The following CCK variants were observed in gnomAD, a reference collection of about 807,000 sequenced individuals.
CCK encodes cholecystokinin triacontatriapeptide.
CCK carries 11 observed loss-of-function variants against 10.1 expected under a neutral mutation model. That is an observed-to-expected ratio of 1.09 (90% CI 0.69 to 1.81). The LOEUF (loss-of-function observed/expected upper bound fraction) is 1.81. Ranked by LOEUF, CCK falls within the 40% of genes most tolerant of loss-of-function variation. The probability of loss-of-function intolerance (pLI) is 0.00; values close to 1 mark genes in which losing one functional copy is unlikely to be tolerated. For synonymous variants in CCK, 83 were observed against 71.9 expected (o/e 1.15, Z -0.78); for missense variants, 137 against 159.9 (o/e 0.86, Z 0.77).
rs1711280179 is a variant in CCK, at chr3:42,265,847, C to T, written c.-546G>A. 6.6e-6 allele frequency: 1 copy of T among 152,212 alleles called. No homozygotes were observed. Among genetic ancestry groups the T allele is most frequent in the Non-Finnish European group, 1.5e-5 (1 of 68,060 alleles). The allele number at this position is 152,212 out of a possible 1,614,324, so 9.4% of individuals were successfully genotyped here. A position where few individuals can be genotyped will look rare whatever the true frequency, so the allele number is the denominator to read the frequency against. On this transcript the variant is annotated 5_prime_UTR_variant, in exon 1 of 5. Coordinates refer to ENST00000396169, the MANE Select transcript of CCK (RefSeq NM_000729.6). ...CCGACCTGGAGCCCCTCAGTGCGCT[C>T]TGGTCGTCTACACCCTGAAACCCTT...
intron 4 of CCK, among the ~76,000 whole-genome samples, chr3:42,262,358 T>C (rs1230521047): frequency 6.6e-6 from 1 of 151,786 alleles, no homozygotes; most frequent in East Asian, 1.9e-4. Context: ...GTAGCTGGGA[T>C]TACAAGCATG....
In CCK at chr3:42,264,075, G is replaced by A. The variant is rs6784327; in HGVS notation, c.-2-443C>T. ...AAGCACTTTTCCAGATAGCTAACAAGCTTTCAATATGGAAATACAGTAAAT... is the reference window on the plus strand; with the variant it reads ...AAGCACTTTTCCAGATAGCTAACAAACTTTCAATATGGAAATACAGTAAAT... On this transcript the variant is annotated intron_variant, in intron 3 of 4. Coordinates refer to ENST00000396169, the MANE Select transcript of CCK (RefSeq NM_000729.6). 756 of 159,436 alleles carry A rather than the reference G, an allele frequency of 4.7e-3. 5 individuals are homozygous for A. The highest frequency in any genetic ancestry group is 0.017 in the African/African-American group (714 of 41,866). 9.9% of individuals were successfully genotyped at this position (159,436 alleles called of 1,614,324 possible).
At position 42,263,567 on chromosome 3, in the gene CCK, G is replaced by T. The variant is rs1170408146; in HGVS notation, c.64C>A (p.Pro22Thr). Residue 22 changes from proline (P) to threonine (T), a missense_variant, in exon 4 of 5, where the codon CCG (proline) becomes ACG (threonine). Physicochemically the swap from Pro to Thr is conservative, Grantham distance 38 (BLOSUM62 -1). Transcript: ENST00000396169. The part of the protein sequence containing the change: ...AVLAAGALTQ[P>T]VPPADPAGSG... The stretch of plus-strand genomic sequence containing the variant: ...CCCGCGGGATCTGCGGGAGGCACCG[G>T]CTGCGTCAGGGCGCCAGCCGCCAGT... 1 of 1,606,306 alleles carries T rather than the reference G, an allele frequency of 6.2e-7. No individual in the cohort carries two copies. Among genetic ancestry groups the T allele is most frequent in the African/African-American group, 1.3e-5 (1 of 74,794 alleles).
At chr3:42,265,478 A>G (rs1711273839) in intron 1 of CCK, 41 bp from the exon 2 acceptor site, 1 of 152,166 alleles carries the variant, frequency 6.6e-6, no homozygotes, top group African/African-American at 2.4e-5. Flanking sequence ...TGCTCAGAGG[A>G]ATCCGGTTTG....
At chr3:42,261,040 G>A (rs991656541) in intron 4 of CCK, among the ~76,000 whole-genome samples, 1 of 152,154 alleles carries the variant, frequency 6.6e-6, no homozygotes, top group African/African-American at 2.4e-5. Context: ...GTTGTACTGA[G>A]AAAGACAATA....
At chr3:42,263,800 A>G in intron 3 of CCK, 168 bp from the exon 4 acceptor site, 3 of 1,224,870 alleles carry the variant, frequency 2.4e-6, no homozygotes, top group Non-Finnish European at 3.2e-6. Flanking sequence ...GCCGAGTGCC[A>G]TGGCGCGCGC....
intron 1 of CCK, 41 bp from the exon 2 acceptor site, chr3:42,265,478 A>T (rs1711273839): frequency 6.6e-6 from 1 of 152,166 alleles, no homozygotes; most frequent in African/African-American, 2.4e-5. Context: ...TGCTCAGAGG[A>T]ATCCGGTTTG....
intron 3 of CCK, 107 bp from the exon 4 acceptor site, chr3:42,263,739 C>T: frequency 7.0e-7 from 1 of 1,424,882 alleles, no homozygotes; most frequent in African/African-American, 1.5e-5. Flanking sequence ...ACAGGTGCTC[C>T]AGACCCGCCA....
chr3:42,263,375 G>C (rs370394067), intron 4 of CCK, 42 bp downstream of exon 4: 59 of 1,613,852 alleles, frequency 3.7e-5, no homozygotes, highest in Non-Finnish European at 4.7e-5. Flanking sequence ...GGGAGCCTGG[G>C]AACAAGGGCA....
intron 4 of CCK, among the ~76,000 whole-genome samples, chr3:42,260,898 G>A (rs1340495754): frequency 6.6e-6 from 1 of 152,224 alleles, no homozygotes; most frequent in African/African-American, 2.4e-5. Flanking sequence ...CCCTCCTGGG[G>A]GGAGCAGGAC....
Position 42,257,908 on chromosome 3 carries a change from A to G in CCK, c.*190T>C. 1.8e-6 allele frequency: 1 copy of G among 546,124 alleles called. No homozygotes were observed. Among genetic ancestry groups the G allele is most frequent in the Non-Finnish European group, 3.2e-6 (1 of 316,772 alleles). The allele number at this position is 546,124 out of a possible 1,614,324, so 33.8% of individuals were successfully genotyped here. On this transcript the variant is annotated 3_prime_UTR_variant, in exon 5 of 5. Coordinates refer to ENST00000396169, the MANE Select transcript of CCK (RefSeq NM_000729.6). ...AGAAAACATTTTGTCTTCCATTTGC[A>G]CAATTCTGGTGAGGTGTGTGGTTGC...
chr3:42,261,090 G>A (rs184340434), intron 4 of CCK, among the ~76,000 whole-genome samples: 1 of 152,228 alleles, frequency 6.6e-6, no homozygotes, highest in East Asian at 1.9e-4. Context: ...TGGGGGAGGC[G>A]CACACTAAAT....
intron 3 of CCK, among the ~76,000 whole-genome samples, chr3:42,264,464 G>A (rs1279602957): frequency 6.6e-6 from 1 of 152,200 alleles, no homozygotes; most frequent in African/African-American, 2.4e-5. Context: ...CGAATGGGTA[G>A]TTCATCCCTT....
intron 4 of CCK, among the ~76,000 whole-genome samples, chr3:42,262,005 TC>T (rs1384640229): frequency 6.6e-6 from 1 of 152,142 alleles, no homozygotes; most frequent in East Asian, 1.9e-4. Context: ...ATTTGTTCTT[TC>T]CTTCTGAAGC....
At chr3:42,263,056 G>A (rs1711237744) in intron 4 of CCK, 5 of 371,360 alleles carry the variant, frequency 1.3e-5, no homozygotes, top group South Asian at 1.2e-4. Flanking sequence ...ATTTCCAAGG[G>A]TTGGTATCTG....
chr3:42,264,419 A>G (rs796565773), intron 3 of CCK, among the ~76,000 whole-genome samples: 2 of 152,344 alleles, frequency 1.3e-5, no homozygotes, highest in South Asian at 2.1e-4. Context: ...CCGCTGTGTA[A>G]CAGCTAGCAA....
intron 4 of CCK, among the ~76,000 whole-genome samples, chr3:42,259,001 C>T (rs1295188595): frequency 6.6e-6 from 1 of 152,186 alleles, no homozygotes; most frequent in African/African-American, 2.4e-5. Flanking sequence ...GGCACATTTA[C>T]ACCATGGAGT....
chr3:42,262,796 T>G (rs1470046272), intron 4 of CCK, among the ~76,000 whole-genome samples: 1 of 152,198 alleles, frequency 6.6e-6, no homozygotes, highest in Non-Finnish European at 1.5e-5. Context: ...GAGAAAGACT[T>G]TGATGCTGAG....
Position 42,258,006 on chromosome 3 carries a change from C to T in CCK, c.*92G>A. On this transcript the variant is annotated 3_prime_UTR_variant, in exon 5 of 5. Transcript: ENST00000396169. The stretch of plus-strand genomic sequence containing the variant: ...TAGATACATACAATGTCAAACTCCA[C>T]AGACAATGAGTTATGAGTGTGATTG... The T allele has an allele frequency of 7.5e-7, 1 of 1,341,092 alleles. No homozygotes were observed. Among genetic ancestry groups the T allele is most frequent in the Non-Finnish European group, 1.0e-6 (1 of 976,892 alleles). The allele number at this position is 1,341,092 out of a possible 1,614,324, so 83.1% of individuals were successfully genotyped here. A position where few individuals can be genotyped will look rare whatever the true frequency, so the allele number is the denominator to read the frequency against.
Sources: gnomAD v4.1 joint callset for allele counts (sites outside exome capture counted in the v4.1 genomes callset) on GRCh38, gnomAD v4.1.1 for gene constraint, MANE v1.5 for transcripts, NCBI Gene and HGNC (gene_info 2026-07-23, HGNC 2026-07-21) for gene names.